The following HPSE2 variants were observed in gnomAD, a reference collection of about 807,000 sequenced individuals.
HPSE2 encodes inactive heparanase-2.
A neutral mutation model predicts 60.5 loss-of-function variants in HPSE2; 38 were observed. The ratio of observed to expected loss-of-function variants is 0.63; its 90% CI spans 0.48 to 0.82. The LOEUF is 0.82. Among genes scored for constraint, HPSE2 ranks in the 40% least tolerant of loss-of-function variants. HPSE2 has a pLI of 0.00. For missense variants in HPSE2, 713 were observed against 740.4 expected, an observed-to-expected ratio of 0.96 and a Z score of 0.43; for synonymous variants, 295 against 293.2, an observed-to-expected ratio of 1.01 and a Z score of -0.06.
chr10:98,714,481 C>T (rs186433830), intron 5 of HPSE2, among the ~76,000 whole-genome samples: 17 of 151,902 alleles, frequency 1.1e-4, no homozygotes, highest in African/African-American at 3.9e-4. Context: ...TGACTGGCTT[C>T]CTTCAGTGAC....
chr10:98,677,176 G>A (rs1200253394), intron 6 of HPSE2, among the ~76,000 whole-genome samples: 1 of 152,144 alleles, frequency 6.6e-6, no homozygotes, highest in Admixed American at 6.5e-5. Flanking sequence ...TAAGCTTCCT[G>A]GGGTGAGGGA....
chr10:99,037,472 A>G (rs920181053), intron 3 of HPSE2, among the ~76,000 whole-genome samples: 2 of 152,138 alleles, frequency 1.3e-5, no homozygotes, highest in African/African-American at 4.8e-5. Context: ...AAGTTTAAAA[A>G]AGCATTTAGC....
At chr10:98,485,765 T>C (rs1245249735) in intron 10 of HPSE2, among the ~76,000 whole-genome samples, 1 of 152,172 alleles carries the variant, frequency 6.6e-6, no homozygotes, top group African/African-American at 2.4e-5. Flanking sequence ...AGTAAATTCT[T>C]TTGCTAGCTA....
the HPSE2 span, among the ~76,000 whole-genome samples, chr10:99,271,992 C>T: frequency 2.0e-5 from 3 of 152,174 alleles, no homozygotes; most frequent in East Asian, 5.8e-4. Context: ...GATCAACACA[C>T]CTGGGTGCAG....
chr10:98,729,364 C>T (rs548934538), intron 4 of HPSE2, among the ~76,000 whole-genome samples: 2 of 152,248 alleles, frequency 1.3e-5, no homozygotes, highest in East Asian at 3.9e-4. Flanking sequence ...AATCTCAGCA[C>T]TTTGGGAGGC....
intron 3 of HPSE2, among the ~76,000 whole-genome samples, chr10:99,022,758 C>T (rs1441951680): frequency 1.3e-5 from 2 of 152,092 alleles, no homozygotes; most frequent in East Asian, 1.9e-4. Flanking sequence ...TAGAGATTCC[C>T]CTGCCTTGAA....
intron 3 of HPSE2, among the ~76,000 whole-genome samples, chr10:98,883,537 G>C (rs376790036): frequency 6.6e-6 from 1 of 152,036 alleles, no homozygotes; most frequent in Non-Finnish European, 1.5e-5. Context: ...GGGTGTGGTG[G>C]CTCACACCTG....
chr10:99,132,156 A>AG (rs1464346471), intron 3 of HPSE2, among the ~76,000 whole-genome samples: 12 of 5,352 alleles, frequency 2.2e-3, no homozygotes, highest in African/African-American at 3.1e-3. Flanking sequence ...GAAGAAAGAA[A>AG]GAAAGAAAGA....
chr10:98,853,918 G>C (rs150635576), intron 3 of HPSE2, among the ~76,000 whole-genome samples: 10 of 152,116 alleles, frequency 6.6e-5, no homozygotes, highest in Non-Finnish European at 1.5e-4. Context: ...ACAAGTGAAA[G>C]GGAACATTAT....
At chr10:98,621,217 C>T (rs1946065537) in intron 7 of HPSE2, among the ~76,000 whole-genome samples, 1 of 152,088 alleles carries the variant, frequency 6.6e-6, no homozygotes, top group African/African-American at 2.4e-5. Context: ...ATTGTAATCA[C>T]ACTTTGAAAA....
At chr10:98,542,734 G>T (rs1396647643) in intron 9 of HPSE2, among the ~76,000 whole-genome samples, 2 of 151,090 alleles carry the variant, frequency 1.3e-5, no homozygotes, top group Admixed American at 6.6e-5. Flanking sequence ...ATCAGCGATG[G>T]AAGATGAAAT....
intron 3 of HPSE2, among the ~76,000 whole-genome samples, chr10:98,908,683 CAAAAAAA>C (rs35913499): frequency 1.5e-5 from 1 of 66,106 alleles, no homozygotes; most frequent in African/African-American, 6.0e-5. Context: ...AGCTCCATCT[CAAAAAAA>C]AAAAAAAAAA....
At chr10:98,553,967 C>T (rs1055802781) in intron 9 of HPSE2, among the ~76,000 whole-genome samples, 1 of 152,170 alleles carries the variant, frequency 6.6e-6, no homozygotes, top group African/African-American at 2.4e-5. Flanking sequence ...ACTGAGTACT[C>T]TCTCCTCCAT....
At chr10:98,585,383 T>G (rs1287197199) in intron 9 of HPSE2, among the ~76,000 whole-genome samples, 1 of 151,648 alleles carries the variant, frequency 6.6e-6, no homozygotes, top group African/African-American at 2.4e-5. Flanking sequence ...GTGATTCTTC[T>G]GCCTCAGCCT....
intron 5 of HPSE2, among the ~76,000 whole-genome samples, chr10:98,711,521 G>A (rs965817252): frequency 6.6e-6 from 1 of 152,102 alleles, no homozygotes; most frequent in African/African-American, 2.4e-5. Context: ...TCTGATTTGT[G>A]ACCTGGCTCC....
chr10:99,135,227 A>T (rs1327384909), intron 3 of HPSE2, among the ~76,000 whole-genome samples: 1 of 151,384 alleles, frequency 6.6e-6, no homozygotes, highest in Non-Finnish European at 1.5e-5. Context: ...GAGACCTACA[A>T]AGAGATGTAG....
In HPSE2 at chr10:98,490,058, G is replaced by A. The variant is rs1941585362; in HGVS notation, c.1459C>T (p.His487Tyr). The A allele has an allele frequency of 5.0e-6, 8 of 1,614,162 alleles. No homozygotes were observed. Among genetic ancestry groups the A allele is most frequent in the Non-Finnish European group, 6.8e-6 (8 of 1,180,010 alleles). ...ATCTTTCTGAGGACTTACTTGTGGT[G>A]GTTTGTGCAGTGAGCATAAATCCTT... is the stretch of plus-strand genomic sequence containing the variant. ...KLRIYAHCTN[H>Y]HNHNYVRGSI... Residue 487 changes from histidine to tyrosine, a missense_variant, in exon 10 of 12, where the codon CAC (histidine) becomes TAC (tyrosine). By Grantham distance (83) the His-to-Tyr change is moderately conservative. Transcript: ENST00000370552.
chr10:98,491,087 T>A (rs189139410), intron 9 of HPSE2, among the ~76,000 whole-genome samples: 2 of 152,336 alleles, frequency 1.3e-5, no homozygotes, highest in Non-Finnish European at 2.9e-5. Context: ...TAGGACCCCC[T>A]ACCCCACTCA....
chr10:99,253,362 TAAC>T, the HPSE2 span, among the ~76,000 whole-genome samples: 2 of 152,094 alleles, frequency 1.3e-5, no homozygotes. Flanking sequence ...TTGACAAAGT[TAAC>T]AACAACAAAA....
Sources: allele counts gnomAD v4.1 joint callset (sites outside exome capture counted in the v4.1 genomes callset), GRCh38; gene constraint gnomAD v4.1.1; transcripts MANE v1.5; gene names NCBI Gene and HGNC (gene_info 2026-07-23, HGNC 2026-07-21).